PI4K2B: variants seen among roughly 807,000 people sequenced by gnomAD.
The protein encoded by PI4K2B is phosphatidylinositol 4-kinase type 2-beta.
Under a neutral mutation model 56.6 loss-of-function variants are expected in PI4K2B, and 46 were observed. The observed-to-expected ratio is 0.81, with a 90% CI of 0.64 to 1.04. PI4K2B has a LOEUF of 1.04. PI4K2B is among the 50% of genes least tolerant of loss of function. The probability of loss-of-function intolerance (pLI) is 0.00; values close to 1 mark genes in which losing one functional copy is unlikely to be tolerated. For missense variants in PI4K2B, 556 were observed against 607.7 expected, an observed-to-expected ratio of 0.91 and a Z score of 0.89; for synonymous variants, 211 against 223.8, an observed-to-expected ratio of 0.94 and a Z score of 0.51.
intron 1 of PI4K2B, among the ~76,000 whole-genome samples, chr4:25,245,163 A>T (rs898163769): frequency 1.3e-5 from 2 of 152,178 alleles, no homozygotes; most frequent in East Asian, 3.9e-4. Context: ...CCCCACTACG[A>T]TGGGGCTTCG....
chr4:25,240,288 G>T (rs370814772), intron 1 of PI4K2B, among the ~76,000 whole-genome samples: 1 of 152,214 alleles, frequency 6.6e-6, no homozygotes, highest in South Asian at 2.1e-4. Flanking sequence ...TCTCAGCAGC[G>T]AAGAGGTCTA....
intron 9 of PI4K2B, 57 bp downstream of exon 9, chr4:25,269,260 A>G (rs1716776958): frequency 2.1e-6 from 2 of 935,636 alleles, no homozygotes; most frequent in East Asian, 2.4e-5. Context: ...ACAGTAGTCA[A>G]CTGTTTTCCC....
intron 1 of PI4K2B, among the ~76,000 whole-genome samples, chr4:25,249,812 C>T (rs1230146135): frequency 3.9e-5 from 6 of 152,064 alleles, no homozygotes; most frequent in South Asian, 2.1e-4. Flanking sequence ...ACTTCCTAGA[C>T]GGGGTGGCGG....
At chr4:25,241,182 G>A (rs1055292662) in intron 1 of PI4K2B, among the ~76,000 whole-genome samples, 3 of 152,236 alleles carry the variant, frequency 2.0e-5, no homozygotes, top group Admixed American at 6.5e-5. Flanking sequence ...AAGCATACAT[G>A]CTATCTGTAT....
chr4:25,242,226 A>G (rs1715555677), intron 1 of PI4K2B, among the ~76,000 whole-genome samples: 1 of 152,202 alleles, frequency 6.6e-6, no homozygotes, highest in South Asian at 2.1e-4. Context: ...AGAGATCTAG[A>G]GTAGCCTGCT....
At chr4:25,263,318 A>G (rs1716546262) in intron 6 of PI4K2B, among the ~76,000 whole-genome samples, 1 of 152,168 alleles carries the variant, frequency 6.6e-6, no homozygotes, top group Admixed American at 6.5e-5. Context: ...ATTTAGAAAC[A>G]TTTTGTGTTT....
Position 25,256,693 on chromosome 4 carries a change from C to A in PI4K2B, c.756+19C>A. ...TCCTAAGGTAAGTTTCTCTGATAAG[C>A]TGTATTTAGAGGGCATTTGGGCACA... On this transcript the variant is annotated intron_variant, in intron 4 of 9. Transcript: ENST00000264864. 6.2e-7 allele frequency: 1 copy of A among 1,610,284 alleles called. No homozygotes were observed. Among genetic ancestry groups the A allele is most frequent in the South Asian group, 1.1e-5 (1 of 90,726 alleles).
chr4:25,241,562 G>A (rs1407745887), intron 1 of PI4K2B, among the ~76,000 whole-genome samples: 1 of 152,210 alleles, frequency 6.6e-6, no homozygotes, highest in Non-Finnish European at 1.5e-5. Context: ...TGGTATCTAA[G>A]TAGGCGGTTG....
At chr4:25,254,660 G>C (rs1035016030) in intron 2 of PI4K2B, among the ~76,000 whole-genome samples, 2 of 151,952 alleles carry the variant, frequency 1.3e-5, no homozygotes, top group Non-Finnish European at 1.5e-5. Context: ...TGATCCGCCC[G>C]CCTCGGCCTC....
chr4:25,243,630 T>C (rs377371889), intron 1 of PI4K2B, among the ~76,000 whole-genome samples: 67 of 152,346 alleles, frequency 4.4e-4, no homozygotes, highest in African/African-American at 1.6e-3. Context: ...CTGTGGCTGA[T>C]TGGGTAATAA....
Position 25,273,130 on chromosome 4 carries a change from GTT to G in PI4K2B, c.1273-3873_1273-3872del, listed in dbSNP as rs67178709. ...AGATGTGGACTGAAACAATATGAAA[GTT>G]TTTTTTTTTTAATTCAGAGCTGGTA... On this transcript the variant is annotated intron_variant, in intron 9 of 9. Transcript: ENST00000264864. 9.9e-4 allele frequency among the ~76,000 whole-genome samples: 148 copies of G among 149,542 alleles called. 1 individual carries two copies. The highest frequency in any genetic ancestry group is 3.1e-3 in the African/African-American group (127 of 40,852).
chr4:25,257,443 A>G (rs969941307), intron 4 of PI4K2B, among the ~76,000 whole-genome samples: 9 of 152,172 alleles, frequency 5.9e-5, no homozygotes, highest in African/African-American at 2.2e-4. Flanking sequence ...GAGAAAACTA[A>G]GAAATTCATG....
chr4:25,267,896 G>A (rs1716724086), intron 7 of PI4K2B: 1 of 981,262 alleles, frequency 1.0e-6, no homozygotes, highest in African/African-American at 1.8e-5. Context: ...ATGATTTGTA[G>A]CTGTGGAGGC....
Position 25,263,832 on chromosome 4 carries a change from C to G in PI4K2B, c.1061C>G (p.Pro354Arg), listed in dbSNP as rs769145807. ...GGTCTAGCATTTCCTTTTAAACATC[C>G]TGATGAATGGAGAGCATGTGAGTAT... ...DNGLAFPFKH[P>R]DEWRAYPFHW... is the part of the protein sequence containing the mutation. The change falls in exon 7 of 10, where the codon CCT becomes CGT. Residue 354 changes from proline to arginine, a missense_variant. Pro to Arg is a moderately radical substitution (Grantham distance 103). Transcript: ENST00000264864. 2 of 1,457,120 alleles carry G rather than the reference C, an allele frequency of 1.4e-6. No individual in the cohort carries two copies. Among genetic ancestry groups the G allele is most frequent in the Non-Finnish European group, 1.9e-6 (2 of 1,039,738 alleles). 90.3% of individuals were successfully genotyped at this position (1,457,120 alleles called of 1,614,324 possible).
chr4:25,249,688 T>A (rs374927664), intron 1 of PI4K2B, among the ~76,000 whole-genome samples: 22 of 144,840 alleles, frequency 1.5e-4, no homozygotes, highest in South Asian at 2.2e-4. Flanking sequence ...CACTCCTGGG[T>A]TCCCAGACGG....
At chr4:25,245,372 G>T (rs1272116546) in intron 1 of PI4K2B, among the ~76,000 whole-genome samples, 3 of 152,174 alleles carry the variant, frequency 2.0e-5, no homozygotes, top group Non-Finnish European at 4.4e-5. Flanking sequence ...TAAGGGTCAG[G>T]ATAGATAGGA....
In PI4K2B at chr4:25,252,407, G is replaced by T. The variant is rs761511829; in HGVS notation, c.355G>T (p.Val119Phe). 1.2e-6 allele frequency: 2 copies of T among 1,611,304 alleles called. No homozygotes were observed. The highest frequency in any genetic ancestry group is 4.5e-5 in the East Asian group (2 of 44,854). Residue 119 changes from valine (V) to phenylalanine (F), a missense_variant, in exon 2 of 10, where the codon GTT becomes TTT. Val to Phe is a conservative substitution (Grantham distance 50). Coordinates refer to ENST00000264864, the MANE Select transcript of PI4K2B (RefSeq NM_018323.4). Reference protein sequence around the residue: ...IMLRAEQAIEVGIFPERISQG... With the variant: ...IMLRAEQAIEFGIFPERISQG... ...GCTGAGAGCAGAGCAAGCAATAGAA[G>T]TTGGAATTTTTCCAGAAAGAATCTC... is the stretch of plus-strand genomic sequence containing the variant.
At chr4:25,258,229 A>G (rs1244566624) in intron 4 of PI4K2B, among the ~76,000 whole-genome samples, 1 of 37,956 alleles carries the variant, frequency 2.6e-5, no homozygotes, top group African/African-American at 6.2e-5. Flanking sequence ...TTTTTTTTTG[A>G]GACAGTCTCG....
intron 9 of PI4K2B, among the ~76,000 whole-genome samples, chr4:25,270,642 A>T (rs530107778): frequency 1.3e-5 from 2 of 152,096 alleles, no homozygotes; most frequent in African/African-American, 4.8e-5. Flanking sequence ...CACCGTGCCC[A>T]GCCCCTCCTC....
Sources: allele counts gnomAD v4.1 joint callset (sites outside exome capture counted in the v4.1 genomes callset), GRCh38; gene constraint gnomAD v4.1.1; transcripts MANE v1.5; gene names NCBI Gene and HGNC (gene_info 2026-07-23, HGNC 2026-07-21).